GABRP: variants seen among roughly 807,000 people sequenced by gnomAD.
GABRP encodes gamma-aminobutyric acid type A receptor subunit pi.
A neutral mutation model predicts 47.8 loss-of-function variants in GABRP; 52 were observed. The ratio of observed to expected loss-of-function variants is 1.09; its 90% CI spans 0.87 to 1.37. The LOEUF is 1.37. Among genes scored for constraint, GABRP ranks in the 40% most tolerant of loss-of-function variants. The pLI, the probability that GABRP is intolerant of heterozygous loss-of-function variation, is 0.00. For synonymous variants in GABRP, 221 were observed against 205.8 expected (o/e 1.07, Z -0.63); for missense variants, 525 against 542.8 (o/e 0.97, Z 0.33).
rs2127268934 is a variant in GABRP at position 170,812,616 on chromosome 5, G to A, written c.*358G>A. On this transcript the variant is annotated 3_prime_UTR_variant, in exon 10 of 10. Coordinates refer to ENST00000265294, the MANE Select transcript of GABRP (RefSeq NM_014211.3). ...GGAGACCATTGGGTAACCCTCAAGT[G>A]TCAGAAGTTGTTTCTAAAGTAACTA... The A allele has an allele frequency of 5.2e-6, 1 of 190,874 alleles. No homozygotes were observed. The highest frequency in any genetic ancestry group is 1.3e-4 in the South Asian group (1 of 7,800). The allele number at this position is 190,874 out of a possible 1,614,324, so 11.8% of individuals were successfully genotyped here. A position where few individuals can be genotyped will look rare whatever the true frequency, so the allele number is the denominator to read the frequency against.
intron 3 of GABRP, among the ~76,000 whole-genome samples, chr5:170,793,441 A>T (rs1263830262): frequency 6.6e-6 from 1 of 152,172 alleles, no homozygotes; most frequent in East Asian, 1.9e-4. Context: ...AGACTCCAGG[A>T]TTGAGGCCCA....
At chr5:170,790,441 C>T (rs1224538402) in intron 3 of GABRP, among the ~76,000 whole-genome samples, 3 of 152,172 alleles carry the variant, frequency 2.0e-5, no homozygotes, top group African/African-American at 7.2e-5. Context: ...TGCTCCTCCC[C>T]TCAGATAATA....
chr5:170,810,521 C>T (rs1034234945), intron 9 of GABRP, among the ~76,000 whole-genome samples: 2 of 152,144 alleles, frequency 1.3e-5, no homozygotes, highest in African/African-American at 2.4e-5. Flanking sequence ...GACACTTATC[C>T]GCTATTCCCA....
At chr5:170,808,482 C>T in intron 7 of GABRP, 118 bp from the exon 8 acceptor site, 1 of 844,044 alleles carries the variant, frequency 1.2e-6, no homozygotes, top group South Asian at 1.8e-5. Flanking sequence ...ACAGTTCATA[C>T]ATAACCAGAT....
At chr5:170,791,786 A>G (rs13156294) in intron 3 of GABRP, among the ~76,000 whole-genome samples, 4,311 of 152,326 alleles carry the variant, frequency 0.028, 117 homozygotes, top group Middle Eastern at 0.11. Flanking sequence ...AATGGTTGGC[A>G]CTTGTCTCAG....
intron 6 of GABRP, 65 bp from the exon 7 acceptor site, chr5:170,805,651 T>G (rs1765712854): frequency 6.4e-7 from 1 of 1,572,780 alleles, no homozygotes; most frequent in Admixed American, 1.8e-5. Flanking sequence ...TATAGCATTT[T>G]CCAGACCAGA....
intron 6 of GABRP, among the ~76,000 whole-genome samples, chr5:170,803,135 C>T (rs913063326): frequency 6.6e-6 from 1 of 152,078 alleles, no homozygotes; most frequent in African/African-American, 2.4e-5. Flanking sequence ...TGTTTGGATG[C>T]TTCCAAGGGA....
At chr5:170,786,670 C>T (rs1339990297) in intron 1 of GABRP, among the ~76,000 whole-genome samples, 1 of 152,162 alleles carries the variant, frequency 6.6e-6, no homozygotes, top group Non-Finnish European at 1.5e-5. Context: ...ATTCCTTATC[C>T]TCTCTAATCC....
At chr5:170,807,856 T>TCG (rs2127265497) in intron 7 of GABRP, among the ~76,000 whole-genome samples, 1 of 152,282 alleles carries the variant, frequency 6.6e-6, no homozygotes, top group Non-Finnish European at 1.5e-5. Context: ...CATCCTGTTT[T>TCG]TCCCCAACAA....
rs145174107 is a variant in GABRP at position 170,792,421 on chromosome 5, G to A, written c.173-1810G>A. ...GCACCACTGCACCTCCAGCCTGGGC[G>A]ACAAGAGGGAGACTCCATCTCAAAA... On this transcript the variant is annotated intron_variant, in intron 3 of 9. Coordinates refer to ENST00000265294, the MANE Select transcript of GABRP (RefSeq NM_014211.3). Among the ~76,000 whole-genome samples the A allele has an allele frequency of 1.4e-3, 202 of 144,612 alleles. 1 individual carries two copies. Among genetic ancestry groups the A allele is most frequent in the Middle Eastern group, 3.5e-3 (1 of 288 alleles). 94.9% of individuals were successfully genotyped at this position (144,612 alleles called of 152,430 possible). A position where few individuals can be genotyped will look rare whatever the true frequency, so the allele number is the denominator to read the frequency against.
intron 4 of GABRP, 100 bp downstream of exon 4, chr5:170,794,398 A>G: frequency 1.6e-6 from 1 of 625,708 alleles, no homozygotes; most frequent in Non-Finnish European, 2.6e-6. Flanking sequence ...AAAAAAAAAG[A>G]ATGGCTCATG....
rs902193740 is a variant in GABRP, at chr5:170,788,668, G to A, written c.53G>A (p.Arg18Lys). ...GTGTGTCTGAGTCTCTTCACTGAGA[G>A]GTGAGCTTTGCTACCCCCAGAATGG... ...AFVCLSLFTE[R>K]MCIQGSQFNV... The change falls in exon 2 of 10, where the codon AGG becomes AAG. Residue 18 changes from arginine to lysine, a missense_variant and splice_region_variant. Arg to Lys is a conservative substitution (Grantham distance 26). Coordinates refer to ENST00000265294, the MANE Select transcript of GABRP (RefSeq NM_014211.3). 6.2e-7 allele frequency: 1 copy of A among 1,614,010 alleles called. No individual in the cohort carries two copies. Among genetic ancestry groups the A allele is most frequent in the East Asian group, 2.2e-5 (1 of 44,862 alleles).
chr5:170,795,200 C>G lies in GABRP; in HGVS notation c.241-8C>G, dbSNP rs768154765. 3 of 1,608,094 alleles carry G rather than the reference C, an allele frequency of 1.9e-6. No individual in the cohort carries two copies. The highest frequency in any genetic ancestry group is 1.7e-5 in the Admixed American group (1 of 59,988). ...CATCCATTTCCATACCCTGCCTCCCCCTCCCAGGACTACACAGCCACCATA... is the reference window on the plus strand; with the variant it reads ...CATCCATTTCCATACCCTGCCTCCCGCTCCCAGGACTACACAGCCACCATA... On this transcript the variant is annotated splice_polypyrimidine_tract_variant and splice_region_variant and intron_variant, in intron 4 of 9. Coordinates refer to ENST00000265294, the MANE Select transcript of GABRP (RefSeq NM_014211.3).
chr5:170,787,854 T>C (rs1581586987), intron 1 of GABRP, among the ~76,000 whole-genome samples: 1 of 152,104 alleles, frequency 6.6e-6, no homozygotes, highest in East Asian at 1.9e-4. Flanking sequence ...AGCCTAGACC[T>C]GGGGATAAAT....
intron 9 of GABRP, 71 bp from the exon 10 acceptor site, chr5:170,811,885 T>C: frequency 7.2e-7 from 1 of 1,391,980 alleles, no homozygotes; most frequent in Non-Finnish European, 9.9e-7. Flanking sequence ...AAACTTTTTA[T>C]TAGCTCATTA....
At chr5:170,796,033 T>C (rs1019604563) in intron 5 of GABRP, among the ~76,000 whole-genome samples, 2 of 152,132 alleles carry the variant, frequency 1.3e-5, no homozygotes, top group African/African-American at 4.8e-5. Flanking sequence ...TTTCACCCAA[T>C]TGTTAATGGA....
At chr5:170,799,906 G>A (rs1276275176) in intron 6 of GABRP, among the ~76,000 whole-genome samples, 1 of 152,076 alleles carries the variant, frequency 6.6e-6, no homozygotes, top group Non-Finnish European at 1.5e-5. Context: ...CGTGAAAATG[G>A]CCATACTACC....
chr5:170,809,551 C>G lies in GABRP; in HGVS notation c.833-17C>G. 1.2e-6 allele frequency: 2 copies of G among 1,612,756 alleles called. No homozygotes were observed. Among genetic ancestry groups the G allele is most frequent in the Non-Finnish European group, 1.7e-6 (2 of 1,179,742 alleles). ...AACCAGTCACTTTGTAGGAACATCC[C>G]CTGCCTGTTTTCCCAGGAGTGACGA... On this transcript the variant is annotated splice_polypyrimidine_tract_variant and intron_variant, in intron 8 of 9. Transcript: ENST00000265294.
intron 6 of GABRP, among the ~76,000 whole-genome samples, chr5:170,799,047 T>C (rs2127258707): frequency 6.6e-6 from 1 of 152,010 alleles, no homozygotes; most frequent in African/African-American, 2.4e-5. Flanking sequence ...TTTTTGTCCT[T>C]GTGATAGTTT....
Sources: allele counts gnomAD v4.1 joint callset (sites outside exome capture counted in the v4.1 genomes callset), GRCh38; gene constraint gnomAD v4.1.1; transcripts MANE v1.5; gene names NCBI Gene and HGNC (gene_info 2026-07-23, HGNC 2026-07-21).